The following KCNIP4 variants were observed in gnomAD, a reference collection of about 807,000 sequenced individuals.
KCNIP4 encodes the protein potassium voltage-gated channel interacting protein 4.
KCNIP4 carries 12 observed loss-of-function variants against 34.0 expected under a neutral mutation model. The observed-to-expected ratio is 0.35, with a 90% CI of 0.23 to 0.57. The LOEUF is 0.57. KCNIP4 is among the 20% of genes least tolerant of loss of function. KCNIP4 has a pLI of 0.83. For synonymous variants in KCNIP4, 124 were observed against 102.2 expected (o/e 1.21, Z -1.29); for missense variants, 238 against 311.7 (o/e 0.76, Z 1.78).
intron 1 of KCNIP4, among the ~76,000 whole-genome samples, chr4:21,797,096 C>T (rs1393722517): frequency 6.6e-6 from 1 of 152,186 alleles, no homozygotes; most frequent in African/African-American, 2.4e-5. Flanking sequence ...ATCAACACTA[C>T]CCACAATTAT....
At chr4:21,239,171 T>C (rs1247926087) in intron 1 of KCNIP4, among the ~76,000 whole-genome samples, 1 of 151,436 alleles carries the variant, frequency 6.6e-6, no homozygotes, top group Non-Finnish European at 1.5e-5. Context: ...TGGCTAGCCA[T>C]AGGTAGAAAG....
chr4:21,297,472 A>G (rs1306507415), intron 1 of KCNIP4, among the ~76,000 whole-genome samples: 3 of 152,194 alleles, frequency 2.0e-5, no homozygotes, highest in Non-Finnish European at 4.4e-5. Context: ...ATAACAAGAG[A>G]GCTACAATTT....
At chr4:21,530,351 T>C (rs1736572259) in intron 1 of KCNIP4, among the ~76,000 whole-genome samples, 2 of 152,216 alleles carry the variant, frequency 1.3e-5, no homozygotes, top group South Asian at 4.1e-4. Context: ...CAAACATGAC[T>C]GTATTATTCT....
chr4:21,084,583 G>T (rs1746260196), intron 1 of KCNIP4, among the ~76,000 whole-genome samples: 1 of 147,904 alleles, frequency 6.8e-6, no homozygotes, highest in Admixed American at 6.9e-5. Context: ...CCATACTGGG[G>T]ATATACAGTC....
intron 1 of KCNIP4, among the ~76,000 whole-genome samples, chr4:21,773,745 G>GTTTTGTTTTTTTTT (rs1718971393): frequency 8.7e-6 from 1 of 115,424 alleles, no homozygotes; most frequent in African/African-American, 5.4e-5. Flanking sequence ...TTTTTTTGTT[G>GTTTTGTTTTTTTTT]TTTTTTTTTT....
intron 1 of KCNIP4, among the ~76,000 whole-genome samples, chr4:21,556,922 G>GAAAAAAAAA (rs1253971751): frequency 4.0e-4 from 28 of 70,778 alleles, no homozygotes; most frequent in South Asian, 5.5e-4. Flanking sequence ...CTCCATCTCA[G>GAAAAAAAAA]AAAAAAAAAA....
intron 1 of KCNIP4, among the ~76,000 whole-genome samples, chr4:21,107,018 G>C (rs866525867): frequency 2.2e-4 from 33 of 147,778 alleles, no homozygotes; most frequent in African/African-American, 4.9e-4. Context: ...TTACTTCCAA[G>C]TATGTGGTCA....
chr4:20,974,142 C>G lies in KCNIP4; in HGVS notation c.62-91433G>C, dbSNP rs556896758. Among the ~76,000 whole-genome samples, 28 of 152,284 alleles carry G rather than the reference C, an allele frequency of 1.8e-4. No homozygotes were observed. The South Asian group carries it at 5.6e-3, about 30-fold the overall frequency. ...CTGCAAAGCACAACAATGTGAAGTG[C>G]AAGAACACAAGGTATCTGTGTTATG... On this transcript the variant is annotated intron_variant, in intron 1 of 8. Coordinates refer to ENST00000382152, the MANE Select transcript of KCNIP4 (RefSeq NM_025221.6).
chr4:21,209,101 T>A (rs1757052126), intron 1 of KCNIP4, among the ~76,000 whole-genome samples: 1 of 152,140 alleles, frequency 6.6e-6, no homozygotes, highest in South Asian at 2.1e-4. Context: ...CAAAACCATA[T>A]CATCTTTACT....
chr4:21,330,170 C>A (rs919366952), intron 1 of KCNIP4, among the ~76,000 whole-genome samples: 3 of 152,038 alleles, frequency 2.0e-5, no homozygotes, highest in African/African-American at 7.2e-5. Flanking sequence ...TCTACTTTTT[C>A]AAAAGTAATC....
At chr4:21,091,345 A>T (rs1281215070) in intron 1 of KCNIP4, among the ~76,000 whole-genome samples, 1 of 152,228 alleles carries the variant, frequency 6.6e-6, no homozygotes. Context: ...AGCAGTAGAC[A>T]TATGTACAAA....
intron 1 of KCNIP4, among the ~76,000 whole-genome samples, chr4:21,757,416 A>G (rs1466119448): frequency 6.6e-6 from 1 of 152,186 alleles, no homozygotes; most frequent in Non-Finnish European, 1.5e-5. Flanking sequence ...CTAAATAATG[A>G]TCAAGTATCT....
chr4:20,835,215 C>G (rs1718892152), intron 3 of KCNIP4, among the ~76,000 whole-genome samples: 1 of 152,138 alleles, frequency 6.6e-6, no homozygotes, highest in African/African-American at 2.4e-5. Context: ...TTCCATCTCT[C>G]TGGTTGCTTC....
intron 1 of KCNIP4, among the ~76,000 whole-genome samples, chr4:21,437,929 T>A (rs1727096006): frequency 6.8e-6 from 1 of 148,066 alleles, no homozygotes; most frequent in Non-Finnish European, 1.5e-5. Context: ...GTGTGTTTGG[T>A]TACTGATCTG....
intron 3 of KCNIP4, among the ~76,000 whole-genome samples, chr4:20,813,396 G>T (rs1439118811): frequency 6.6e-6 from 1 of 152,134 alleles, no homozygotes; most frequent in African/African-American, 2.4e-5. Flanking sequence ...AGGGGAGCAA[G>T]GGCAGATTTA....
chr4:21,909,330 G>C (rs1011245547), intron 1 of KCNIP4, among the ~76,000 whole-genome samples: 2 of 152,000 alleles, frequency 1.3e-5, no homozygotes, highest in Non-Finnish European at 2.9e-5. Flanking sequence ...AGTCAGCCCA[G>C]GCTTCTCCCC....
chr4:21,884,936 A>C (rs7671356), intron 1 of KCNIP4, among the ~76,000 whole-genome samples: 147,572 of 152,070 alleles, frequency 0.97, 71,765 homozygotes, highest in East Asian at 1. Context: ...CCCTGCCAAC[A>C]AAAGTACAGT....
chr4:20,749,829 AAC>A, intron 4 of KCNIP4, 97 bp from the exon 5 acceptor site: 3 of 699,438 alleles, frequency 4.3e-6, no homozygotes, highest in Middle Eastern at 2.5e-4. Flanking sequence ...CAGAAGAATT[AAC>A]TCTGCCTCCT....
chr4:20,971,182 A>G lies in KCNIP4; in HGVS notation c.62-88473T>C, dbSNP rs757720974. ...ATGGGGAGTTTGCCAGCACTAGAGC[A>G]TAAGATAGGCACAGAAGAAAGGGAG... On this transcript the variant is annotated intron_variant, in intron 1 of 8. Coordinates refer to ENST00000382152, the MANE Select transcript of KCNIP4 (RefSeq NM_025221.6). Among the ~76,000 whole-genome samples the G allele has an allele frequency of 1.1e-4, 17 of 152,204 alleles. 1 individual carries two copies. Among genetic ancestry groups the G allele is most frequent in the Non-Finnish European group, 2.9e-5 (2 of 68,032 alleles).
Sources: allele counts gnomAD v4.1 joint callset (sites outside exome capture counted in the v4.1 genomes callset), GRCh38; gene constraint gnomAD v4.1.1; transcripts MANE v1.5; gene names NCBI Gene and HGNC (gene_info 2026-07-23, HGNC 2026-07-21).